Variants in PTPRM observed in about 807,000 individuals in gnomAD.
The protein encoded by PTPRM is protein tyrosine phosphatase receptor type M.
PTPRM carries 47 observed loss-of-function variants against 186.7 expected under a neutral mutation model. The ratio of observed to expected loss-of-function variants is 0.25; its 90% CI spans 0.20 to 0.32. The LOEUF (loss-of-function observed/expected upper bound fraction) is 0.32, where lower values mean the gene tolerates loss of function less well. PTPRM is among the 10% of genes least tolerant of loss of function. PTPRM has a pLI of 1.00. For synonymous variants in PTPRM, 668 were observed against 674.9 expected (o/e 0.99, Z 0.16); for missense variants, 1,494 against 1,865.0 (o/e 0.80, Z 3.66).
intron 1 of PTPRM, among the ~76,000 whole-genome samples, chr18:7,718,907 T>G (rs1014803679): frequency 1.3e-5 from 2 of 152,142 alleles, no homozygotes; most frequent in African/African-American, 2.4e-5. Flanking sequence ...TAGATGTTGG[T>G]ATGGTTGTGA....
At chr18:8,067,344 T>C (rs2089160435) in intron 7 of PTPRM, among the ~76,000 whole-genome samples, 1 of 152,198 alleles carries the variant, frequency 6.6e-6, no homozygotes, top group Non-Finnish European at 1.5e-5. Context: ...TAAAAGTTAC[T>C]AGTCTAGGGA....
intron 1 of PTPRM, among the ~76,000 whole-genome samples, chr18:7,570,383 C>T (rs908356498): frequency 3.9e-5 from 6 of 152,108 alleles, no homozygotes; most frequent in African/African-American, 1.4e-4. Flanking sequence ...AATTTTAGAG[C>T]CAGAAGAGCT....
chr18:7,790,205 C>G (rs1259031589), intron 2 of PTPRM, among the ~76,000 whole-genome samples: 1 of 152,194 alleles, frequency 6.6e-6, no homozygotes, highest in African/African-American at 2.4e-5. Context: ...TTCTTACTTA[C>G]TTTTGCATCT....
chr18:8,107,488 A>G (rs2091574432), intron 11 of PTPRM, among the ~76,000 whole-genome samples: 1 of 152,204 alleles, frequency 6.6e-6, no homozygotes, highest in Admixed American at 6.5e-5. Flanking sequence ...ATTTTATTAT[A>G]TCAGATTTTA....
intron 1 of PTPRM, among the ~76,000 whole-genome samples, chr18:7,736,938 A>AGGATT (rs2144460753): frequency 6.6e-6 from 1 of 152,058 alleles, no homozygotes; most frequent in Admixed American, 6.6e-5. Flanking sequence ...CTCTTCCTTC[A>AGGATT]GGATTACAGG....
At chr18:7,849,768 A>G (rs552151342) in intron 2 of PTPRM, among the ~76,000 whole-genome samples, 1 of 152,334 alleles carries the variant, frequency 6.6e-6, no homozygotes, top group African/African-American at 2.4e-5. Context: ...TACTTAGCAA[A>G]GGTTGAGAAC....
Position 7,777,907 on chromosome 18 carries a change from G to T in PTPRM, c.196+3636G>T, listed in dbSNP as rs111294480. 8.7e-3 allele frequency among the ~76,000 whole-genome samples: 1,321 copies of T among 152,236 alleles called. 20 individuals are homozygous for T. Among genetic ancestry groups the T allele is most frequent in the Middle Eastern group, 0.017 (5 of 294 alleles). ...CTCATGCCTGTCATGCTAGCACTTT[G>T]GGAGGCTGAGGTGAGAGGATTGCTT... On this transcript the variant is annotated intron_variant, in intron 2 of 32. Transcript: ENST00000580170.
chr18:8,339,027 C>T (rs1292852572), intron 22 of PTPRM, among the ~76,000 whole-genome samples: 1 of 152,096 alleles, frequency 6.6e-6, no homozygotes, highest in African/African-American at 2.4e-5. Flanking sequence ...CTAGGGCACC[C>T]ATCACCTGAA....
At chr18:8,182,342 A>G (rs7233080) in intron 14 of PTPRM, among the ~76,000 whole-genome samples, 88,811 of 151,452 alleles carry the variant, frequency 0.59, 26,455 homozygotes, top group Middle Eastern at 0.71. Context: ...TCCAATAGGT[A>G]GTTTTCCAGC....
chr18:8,328,591 C>G (rs1471926612), intron 22 of PTPRM, among the ~76,000 whole-genome samples: 1 of 152,136 alleles, frequency 6.6e-6, no homozygotes, highest in Non-Finnish European at 1.5e-5. Context: ...AAAGTATTAC[C>G]TAGTGAAGTG....
intron 1 of PTPRM, among the ~76,000 whole-genome samples, chr18:7,629,533 T>C (rs942020176): frequency 6.6e-6 from 1 of 152,122 alleles, no homozygotes; most frequent in African/African-American, 2.4e-5. Flanking sequence ...AGGTCACAAA[T>C]GTACAAAAGC....
At chr18:8,061,749 T>G (rs1448155710) in intron 7 of PTPRM, among the ~76,000 whole-genome samples, 9 of 111,652 alleles carry the variant, frequency 8.1e-5, no homozygotes, top group African/African-American at 3.3e-4. Context: ...AATTCTGGGT[T>G]GAAAATTCTT....
chr18:8,275,268 G>A (rs62091340), intron 19 of PTPRM, among the ~76,000 whole-genome samples: 30,888 of 151,548 alleles, frequency 0.2, 3,668 homozygotes, highest in Non-Finnish European at 0.26. Context: ...GTGAGACCCC[G>A]TCTCCAAAAA....
chr18:7,797,572 A>C (rs184733169), intron 2 of PTPRM, among the ~76,000 whole-genome samples: 131 of 152,348 alleles, frequency 8.6e-4, no homozygotes, highest in African/African-American at 2.9e-3. Context: ...ATGGCTTACC[A>C]GCTAGTTAGA....
chr18:7,785,011 C>T (rs376680167), intron 2 of PTPRM, among the ~76,000 whole-genome samples: 113 of 152,192 alleles, frequency 7.4e-4, no homozygotes, highest in African/African-American at 2.5e-3. Context: ...CAGGTAGAAA[C>T]GCCAGACAGA....
chr18:7,731,653 A>G (rs1209850096), intron 1 of PTPRM, among the ~76,000 whole-genome samples: 1 of 152,176 alleles, frequency 6.6e-6, no homozygotes, highest in Non-Finnish European at 1.5e-5. Context: ...ATGTATCTTT[A>G]TGTACAGATT....
At chr18:8,303,825 CT>C (rs746673279) in intron 20 of PTPRM, among the ~76,000 whole-genome samples, 88 of 152,270 alleles carry the variant, frequency 5.8e-4, no homozygotes, top group South Asian at 1.0e-3. Flanking sequence ...AGCAGGGAGA[CT>C]GCACTGGAGG....
chr18:8,310,345 T>C (rs377547405), intron 20 of PTPRM, among the ~76,000 whole-genome samples: 219 of 151,802 alleles, frequency 1.4e-3, no homozygotes, highest in South Asian at 3.1e-3. Flanking sequence ...AGCACGCCCC[T>C]GCCTGTGGCT....
intron 1 of PTPRM, among the ~76,000 whole-genome samples, chr18:7,588,143 G>T (rs2037027536): frequency 6.6e-6 from 1 of 152,102 alleles, no homozygotes; most frequent in African/African-American, 2.4e-5. Context: ...TGAGGATTCT[G>T]ATTAAAAACA....
Sources: gnomAD v4.1 joint callset for allele counts (sites outside exome capture counted in the v4.1 genomes callset) on GRCh38, gnomAD v4.1.1 for gene constraint, MANE v1.5 for transcripts, NCBI Gene and HGNC (gene_info 2026-07-23, HGNC 2026-07-21) for gene names.